The following TMEM178A variants were observed in gnomAD, a reference collection of about 807,000 sequenced individuals.
The protein encoded by TMEM178A is transmembrane protein 178A, also known as transmembrane protein 178.
In TMEM178A, 12 loss-of-function variants were observed where a neutral mutation model predicts 29.1. The ratio of observed to expected loss-of-function variants is 0.41; its 90% CI spans 0.26 to 0.67. The LOEUF (loss-of-function observed/expected upper bound fraction) is 0.67. Among genes scored for constraint, TMEM178A ranks in the 30% least tolerant of loss-of-function variants. The probability of loss-of-function intolerance (pLI) is 0.29; values close to 1 mark genes in which losing one functional copy is unlikely to be tolerated. For synonymous variants in TMEM178A, 210 were observed against 187.2 expected (o/e 1.12, Z -0.99); for missense variants, 366 against 419.1 (o/e 0.87, Z 1.11).
chr2:39,694,577 A>T (rs1572673574), intron 1 of TMEM178A, among the ~76,000 whole-genome samples: 2 of 151,944 alleles, frequency 1.3e-5, no homozygotes, highest in Non-Finnish European at 1.5e-5. Context: ...CATCTAGTAA[A>T]CTCCCCTCTC....
At chr2:39,727,723 C>A in the TMEM178A span, among the ~76,000 whole-genome samples, 2 of 151,588 alleles carry the variant, frequency 1.3e-5, no homozygotes, top group Admixed American at 6.6e-5. Context: ...CCCAGCCCCC[C>A]ACCCCTCGAC....
intron 1 of TMEM178A, among the ~76,000 whole-genome samples, chr2:39,672,811 A>G (rs1051424737): frequency 5.9e-5 from 9 of 152,192 alleles, no homozygotes; most frequent in African/African-American, 2.2e-4. Flanking sequence ...TGTTGGGATT[A>G]CAGGTGTGAG....
downstream of TMEM178A, among the ~76,000 whole-genome samples, chr2:39,720,897 A>C (rs72936058): frequency 0.031 from 4,790 of 152,306 alleles, 242 homozygotes; most frequent in African/African-American, 0.11. Flanking sequence ...CTATTAACCC[A>C]AACCAACCTA....
chr2:39,680,477 T>C (rs1670821892), intron 1 of TMEM178A, among the ~76,000 whole-genome samples: 1 of 152,230 alleles, frequency 6.6e-6, no homozygotes, highest in South Asian at 2.1e-4. Flanking sequence ...AACTTTTCTA[T>C]CGTTTCAGGA....
the TMEM178A span, among the ~76,000 whole-genome samples, chr2:39,732,338 G>A: frequency 6.6e-6 from 1 of 152,288 alleles, no homozygotes; most frequent in East Asian, 1.9e-4. Flanking sequence ...CTATGAGGGA[G>A]GGGTGAGTGT....
chr2:39,669,362 T>C (rs1269215257), intron 1 of TMEM178A, among the ~76,000 whole-genome samples: 1 of 152,196 alleles, frequency 6.6e-6, no homozygotes, highest in African/African-American at 2.4e-5. Context: ...AAGAGAGATA[T>C]ATTTCTGAGA....
At chr2:39,669,242 C>A (rs952830173) in intron 1 of TMEM178A, among the ~76,000 whole-genome samples, 1 of 151,964 alleles carries the variant, frequency 6.6e-6, no homozygotes, top group Non-Finnish European at 1.5e-5. Context: ...ACCTAGAGGG[C>A]AAAGCTAGGA....
In TMEM178A at chr2:39,665,982, C is replaced by G. The variant is rs1670130241; in HGVS notation, c.8C>G (p.Pro3Arg). Residue 3 changes from proline (P) to arginine (R), a missense_variant, in exon 1 of 4, where the codon CCG becomes CGG. This residue lies in a region of TMEM178A where 247 missense variants were observed against 246.8 expected (regional missense o/e 1.00). Coordinates refer to ENST00000281961, the MANE Select transcript of TMEM178A (RefSeq NM_152390.3). Reference sequence around the variant, plus strand: ...GCGGCGGGGCGGGAAGCCATGGAGCCGCGGGCGCTCGTCACGGCGCTCAGC... The same window carrying G: ...GCGGCGGGGCGGGAAGCCATGGAGCGGCGGGCGCTCGTCACGGCGCTCAGC... The part of the protein sequence containing the change: ME[P>R]RALVTALSLG... 7 of 1,380,448 alleles carry G rather than the reference C, an allele frequency of 5.1e-6. No homozygotes were observed. The highest frequency in any genetic ancestry group is 3.0e-5 in the East Asian group (1 of 33,298). The allele number at this position is 1,380,448 out of a possible 1,614,324, so 85.5% of individuals were successfully genotyped here.
chr2:39,721,021 T>C (rs950020136), downstream of TMEM178A, among the ~76,000 whole-genome samples: 2 of 152,254 alleles, frequency 1.3e-5, no homozygotes, highest in Non-Finnish European at 2.9e-5. Flanking sequence ...TTCTCATTTA[T>C]GTGCATGTGT....
intron 1 of TMEM178A, among the ~76,000 whole-genome samples, chr2:39,698,446 A>G (rs1205024753): frequency 6.6e-6 from 1 of 152,176 alleles, no homozygotes; most frequent in Non-Finnish European, 1.5e-5. Flanking sequence ...TTCTGTTGAT[A>G]TGGTATATTG....
Position 39,717,322 on chromosome 2 carries a change from G to T in TMEM178A, c.*71G>T. 6.5e-7 allele frequency: 1 copy of T among 1,532,852 alleles called. No homozygotes were observed. The highest frequency in any genetic ancestry group is 8.8e-7 in the Non-Finnish European group (1 of 1,139,940). The allele number at this position is 1,532,852 out of a possible 1,614,324, so 95.0% of individuals were successfully genotyped here. ...AACAGCGCGGAGTTCAGGAGTCCAA[G>T]CACAAAGCGGTCTTTTACATTCCAA... On this transcript the variant is annotated 3_prime_UTR_variant, in exon 4 of 4. Transcript: ENST00000281961.
chr2:39,702,379 G>A (rs146042294), intron 1 of TMEM178A, among the ~76,000 whole-genome samples: 289 of 152,216 alleles, frequency 1.9e-3, no homozygotes, highest in Non-Finnish European at 3.3e-3. Flanking sequence ...AGTGGGGTTT[G>A]TTGTGTGCAT....
Position 39,678,549 on chromosome 2 carries a change from CAGGG to C in TMEM178A, c.400+12180_400+12183del, listed in dbSNP as rs1355991375. Among the ~76,000 whole-genome samples, 6 of 152,014 alleles carry C rather than the reference CAGGG, an allele frequency of 3.9e-5. No individual in the cohort carries two copies. In the East Asian group the frequency reaches 9.7e-4, roughly 24 times the overall value. ...TAGGCAAACCCACAGAGACAGAAAA[CAGGG>C]AGGGGATAATAGGGAGTGACTGCTT... On this transcript the variant is annotated intron_variant, in intron 1 of 3. Coordinates refer to ENST00000281961, the MANE Select transcript of TMEM178A (RefSeq NM_152390.3).
intron 1 of TMEM178A, among the ~76,000 whole-genome samples, chr2:39,703,788 C>T (rs989435475): frequency 6.6e-6 from 1 of 152,184 alleles, no homozygotes; most frequent in Non-Finnish European, 1.5e-5. Flanking sequence ...ATTTTCCCAA[C>T]CATCTGTGTA....
At chr2:39,669,927 G>T (rs1397853837) in intron 1 of TMEM178A, among the ~76,000 whole-genome samples, 3 of 152,180 alleles carry the variant, frequency 2.0e-5, no homozygotes, top group Non-Finnish European at 4.4e-5. Flanking sequence ...AATGTTAGAA[G>T]ATTTTGGCTA....
At chr2:39,693,742 C>T (rs1188863480) in intron 1 of TMEM178A, among the ~76,000 whole-genome samples, 1 of 152,158 alleles carries the variant, frequency 6.6e-6, no homozygotes, top group Non-Finnish European at 1.5e-5. Flanking sequence ...CCAGATAAGT[C>T]ACCAACTGTA....
chr2:39,729,832 T>C, the TMEM178A span, among the ~76,000 whole-genome samples: 1 of 152,220 alleles, frequency 6.6e-6, no homozygotes, highest in Middle Eastern at 3.2e-3. Flanking sequence ...CAGACAATTC[T>C]GGGTTGCATC....
At chr2:39,726,678 A>G in the TMEM178A span, among the ~76,000 whole-genome samples, 4 of 152,282 alleles carry the variant, frequency 2.6e-5, no homozygotes, top group Admixed American at 6.5e-5. Context: ...GGCAAAATAT[A>G]TGGTTAATGT....
Position 39,717,195 on chromosome 2 carries a change from T to C in TMEM178A, c.838T>C (p.Phe280Leu). 6.2e-7 allele frequency: 1 copy of C among 1,613,438 alleles called. No homozygotes were observed. The highest frequency in any genetic ancestry group is 2.2e-5 in the East Asian group (1 of 44,874). Residue 280 changes from phenylalanine (F) to leucine (L), a missense_variant, in exon 4 of 4, where the codon TTT becomes CTT. Physicochemically the swap from Phe to Leu is conservative, Grantham distance 22 (BLOSUM62 0). Coordinates refer to ENST00000281961, the MANE Select transcript of TMEM178A (RefSeq NM_152390.3). The part of the protein sequence containing the change: ...AAGGLCIAYP[F>L]ISRTKIAQLK... ...TGGAGGTCTCTGCATCGCTTATCCG[T>C]TTATTAGCCGGACCAAGATTGCACA...
Sources: allele counts gnomAD v4.1 joint callset (sites outside exome capture counted in the v4.1 genomes callset), GRCh38; gene constraint gnomAD v4.1.1; regional missense constraint gnomAD v4.1.1; transcripts MANE v1.5; gene names NCBI Gene and HGNC (gene_info 2026-07-23, HGNC 2026-07-21).